Variants in SOX5 observed in about 807,000 individuals in gnomAD.
SOX5 encodes the protein SRY-box transcription factor 5, also known as transcription factor SOX-5.
In SOX5, 9 loss-of-function variants were observed where a neutral mutation model predicts 92.0. That is an observed-to-expected ratio of 0.10 (90% confidence interval 0.06 to 0.17). The LOEUF is 0.17. Ranked by LOEUF, SOX5 falls within the 10% of genes least tolerant of loss-of-function variation. The pLI is 1.00. For synonymous variants in SOX5, 344 were observed against 336.3 expected (o/e 1.02, Z -0.25); for missense variants, 642 against 944.5 (o/e 0.68, Z 4.20).
chr12:24,293,796 T>C (rs1946883568), intron 2 of SOX5, among the ~76,000 whole-genome samples: 1 of 152,310 alleles, frequency 6.6e-6, no homozygotes, highest in East Asian at 1.9e-4. Flanking sequence ...TTTCTGAAAA[T>C]TCTACTTTTC....
intron 2 of SOX5, among the ~76,000 whole-genome samples, chr12:24,364,543 T>TAC (rs1491122851): frequency 3.6e-5 from 5 of 137,470 alleles, no homozygotes; most frequent in African/African-American, 1.3e-4. Flanking sequence ...TATATATATA[T>TAC]ACACGAATAA....
chr12:24,428,761 C>CAAAAAAAAAAAA (rs1967056422), intron 1 of SOX5, among the ~76,000 whole-genome samples: 6 of 52,560 alleles, frequency 1.1e-4, no homozygotes, highest in Non-Finnish European at 1.6e-4. Context: ...AAAAAAAAAG[C>CAAAAAAAAAAAA]TAATTTCCTC....
Position 23,615,143 on chromosome 12 carries a change from A to C in SOX5, c.1018-10610T>G, listed in dbSNP as rs1189120048. On this transcript the variant is annotated intron_variant, in intron 8 of 14. Coordinates refer to ENST00000451604, the MANE Select transcript of SOX5 (RefSeq NM_006940.6). ...ACTTGGTATTGTCTTTTTAATTATAACTATTTTGGCAGGTGTGAAGTGGTA... is the reference window on the plus strand; with the variant it reads ...ACTTGGTATTGTCTTTTTAATTATACCTATTTTGGCAGGTGTGAAGTGGTA... Among the ~76,000 whole-genome samples the C allele has an allele frequency of 3.3e-5, 5 of 152,002 alleles. No individual in the cohort carries two copies. The East Asian group carries it at 9.7e-4, about 29-fold the overall frequency.
chr12:23,569,613 G>C (rs936154000), intron 10 of SOX5, among the ~76,000 whole-genome samples: 4 of 152,136 alleles, frequency 2.6e-5, no homozygotes, highest in African/African-American at 9.7e-5. Flanking sequence ...TCTCTCATGT[G>C]TCCTGCGTTT....
At chr12:23,731,782 A>G (rs145264342) in intron 6 of SOX5, among the ~76,000 whole-genome samples, 270 of 152,320 alleles carry the variant, frequency 1.8e-3, no homozygotes, top group African/African-American at 6.3e-3. Flanking sequence ...CATATATGAA[A>G]CAAACATTTT....
At chr12:23,749,098 A>G (rs1230104873) in intron 4 of SOX5, among the ~76,000 whole-genome samples, 2 of 151,960 alleles carry the variant, frequency 1.3e-5, no homozygotes, top group Non-Finnish European at 2.9e-5. Context: ...CTCATCAAAA[A>G]GGCTAAATAA....
chr12:23,906,516 G>A (rs2097294993), intron 1 of SOX5, among the ~76,000 whole-genome samples: 1 of 152,140 alleles, frequency 6.6e-6, no homozygotes, highest in Non-Finnish European at 1.5e-5. Context: ...GCGCCAGACT[G>A]GAGTCATACG....
At chr12:24,507,082 G>T (rs539586396) in intron 1 of SOX5, among the ~76,000 whole-genome samples, 2 of 151,946 alleles carry the variant, frequency 1.3e-5, no homozygotes, top group Admixed American at 6.6e-5. Context: ...CAGCCACCGC[G>T]CCCGGCCCAT....
chr12:24,225,571 C>T (rs571645996), intron 3 of SOX5, among the ~76,000 whole-genome samples: 1 of 151,774 alleles, frequency 6.6e-6, no homozygotes, highest in South Asian at 2.1e-4. Context: ...ATAGTTAACA[C>T]CAAAAGCACA....
At chr12:23,970,570 C>T (rs974154143) in intron 4 of SOX5, among the ~76,000 whole-genome samples, 2 of 151,434 alleles carry the variant, frequency 1.3e-5, no homozygotes, top group African/African-American at 4.9e-5. Flanking sequence ...TGGTGTCTGG[C>T]TTATTTTACT....
chr12:24,345,125 G>C (rs1170042618), intron 2 of SOX5, among the ~76,000 whole-genome samples: 1 of 152,190 alleles, frequency 6.6e-6, no homozygotes, highest in African/African-American at 2.4e-5. Context: ...TATGGGGTAA[G>C]AGAACGTCAC....
chr12:23,582,429 C>T (rs1032605770), intron 9 of SOX5: 1 of 288,502 alleles, frequency 3.5e-6, no homozygotes, highest in African/African-American at 2.3e-5. Flanking sequence ...TTGCAACAAT[C>T]TTAAAATTAT....
chr12:24,294,150 TC>T (rs1169790660), intron 2 of SOX5, among the ~76,000 whole-genome samples: 2 of 152,182 alleles, frequency 1.3e-5, no homozygotes, highest in East Asian at 1.9e-4. Context: ...ATCAAATGTA[TC>T]CATCTGTTCG....
chr12:24,381,153 C>A (rs1297464646), intron 1 of SOX5, among the ~76,000 whole-genome samples: 1 of 152,158 alleles, frequency 6.6e-6, no homozygotes, highest in East Asian at 1.9e-4. Context: ...GCCCAAAACG[C>A]CAGACACGGC....
chr12:24,561,049 T>C (rs1412405374), intron 1 of SOX5, among the ~76,000 whole-genome samples: 2 of 152,370 alleles, frequency 1.3e-5, no homozygotes, highest in East Asian at 3.9e-4. Context: ...TAAAGAACTC[T>C]GCTGAGCCAG....
intron 1 of SOX5, among the ~76,000 whole-genome samples, chr12:24,474,931 C>G (rs1945201390): frequency 2.0e-5 from 3 of 151,494 alleles, no homozygotes; most frequent in African/African-American, 7.3e-5. Context: ...CTCACTGCAA[C>G]CTCTGCCTCC....
chr12:23,704,172 C>T (rs2091052732), intron 6 of SOX5, among the ~76,000 whole-genome samples: 1 of 151,828 alleles, frequency 6.6e-6, no homozygotes, highest in Non-Finnish European at 1.5e-5. Context: ...TCTTCTAACG[C>T]TTGTGTGTGT....
At chr12:23,821,945 T>A (rs1037199644) in intron 3 of SOX5, among the ~76,000 whole-genome samples, 3 of 151,904 alleles carry the variant, frequency 2.0e-5, no homozygotes, top group African/African-American at 7.2e-5. Context: ...ATATATATAG[T>A]TTGTATTTCT....
At chr12:24,500,165 T>C (rs911124920) in intron 1 of SOX5, among the ~76,000 whole-genome samples, 10 of 152,294 alleles carry the variant, frequency 6.6e-5, no homozygotes, top group African/African-American at 2.4e-4. Context: ...GTGGTGAGTG[T>C]TTTACAAAGT....
Sources: allele counts gnomAD v4.1 joint callset (sites outside exome capture counted in the v4.1 genomes callset), GRCh38; gene constraint gnomAD v4.1.1; transcripts MANE v1.5; gene names NCBI Gene and HGNC (gene_info 2026-07-23, HGNC 2026-07-21).